EFHC1: variants seen among roughly 807,000 people sequenced by gnomAD.
EFHC1 encodes the protein EF-hand domain containing 1, also known as EF-hand domain-containing protein 1.
Under a neutral mutation model 69.9 loss-of-function variants are expected in EFHC1, and 53 were observed. The observed-to-expected ratio is 0.76, with a 90% CI of 0.61 to 0.95. The LOEUF (loss-of-function observed/expected upper bound fraction) is 0.95, where lower values mean the gene tolerates loss of function less well. Ranked by LOEUF, EFHC1 falls within the 40% of genes least tolerant of loss-of-function variation. EFHC1 has a pLI of 0.00. For synonymous variants in EFHC1, 256 were observed against 278.4 expected (o/e 0.92, Z 0.80); for missense variants, 739 against 798.7 (o/e 0.93, Z 0.90).
At chr6:52,468,020 T>A (rs1252762439) in intron 6 of EFHC1, among the ~76,000 whole-genome samples, 1 of 152,220 alleles carries the variant, frequency 6.6e-6, no homozygotes, top group Non-Finnish European at 1.5e-5. Flanking sequence ...GGTATGGCAC[T>A]TGTAAGTCAA....
At chr6:52,466,475 C>T (rs142921779) in intron 6 of EFHC1, among the ~76,000 whole-genome samples, 1 of 152,276 alleles carries the variant, frequency 6.6e-6, no homozygotes, top group East Asian at 1.9e-4. Flanking sequence ...TTTTCTAAAG[C>T]TCCAGGTAGG....
intron 3 of EFHC1, among the ~76,000 whole-genome samples, chr6:52,449,359 C>A (rs553391187): frequency 6.9e-6 from 1 of 145,764 alleles, no homozygotes; most frequent in Admixed American, 7.0e-5. Flanking sequence ...CCAGTCTGGG[C>A]GACAGAGCAA....
intron 5 of EFHC1, among the ~76,000 whole-genome samples, chr6:52,460,959 T>A (rs1189026330): frequency 6.6e-6 from 1 of 152,092 alleles, no homozygotes; most frequent in East Asian, 1.9e-4. Flanking sequence ...ACTATACAAA[T>A]TAAAAGAACA....
intron 5 of EFHC1, among the ~76,000 whole-genome samples, chr6:52,462,259 T>C (rs1765184533): frequency 1.3e-5 from 2 of 151,812 alleles, no homozygotes; most frequent in Admixed American, 6.6e-5. Flanking sequence ...AACTGAATGG[T>C]AGCAAAAACT....
In EFHC1 at chr6:52,432,349, T is replaced by G. The variant is rs115249583; in HGVS notation, c.286-5955T>G. 5.5e-3 allele frequency among the ~76,000 whole-genome samples: 840 copies of G among 152,278 alleles called. 8 individuals are homozygous for G. Among genetic ancestry groups the G allele is most frequent in the African/African-American group, 0.019 (791 of 41,566 alleles). On this transcript the variant is annotated intron_variant, in intron 2 of 10. Transcript: ENST00000371068. ...AGGTTCTGTTTTGATGTGTTTTGATTTGTTTCAAGATTCAGAGCTCTTTTT... is the reference window on the plus strand; with the variant it reads ...AGGTTCTGTTTTGATGTGTTTTGATGTGTTTCAAGATTCAGAGCTCTTTTT...
intron 9 of EFHC1, among the ~76,000 whole-genome samples, chr6:52,484,878 T>C (rs1291082721): frequency 6.6e-6 from 1 of 152,122 alleles, no homozygotes; most frequent in Non-Finnish European, 1.5e-5. Flanking sequence ...GGAGAAGTTA[T>C]GAAATGCTCT....
intron 9 of EFHC1, chr6:52,485,561 G>A (rs1334243947): frequency 6.6e-6 from 1 of 152,136 alleles, no homozygotes; most frequent in African/African-American, 2.4e-5. Flanking sequence ...CATGGAAGGT[G>A]TCTGGATCCT....
intron 7 of EFHC1, among the ~76,000 whole-genome samples, chr6:52,475,974 G>C (rs1317751563): frequency 6.6e-6 from 1 of 152,198 alleles, no homozygotes; most frequent in Admixed American, 6.5e-5. Context: ...TCTCTGAGGA[G>C]GTCATAGCAG....
In EFHC1 at chr6:52,423,504, G is replaced by A. The variant is rs184394157; in HGVS notation, c.64-442G>A. Among the ~76,000 whole-genome samples, 403 of 151,888 alleles carry A rather than the reference G, an allele frequency of 2.7e-3. 1 individual carries two copies. Among genetic ancestry groups the A allele is most frequent in the Non-Finnish European group, 4.1e-3 (281 of 67,890 alleles). Reference sequence around the variant, plus strand: ...AATCTTTTAATGTAGGTAAGCTTTTGTTTTGTTTTGTTTTTTTGAGACAGA... The same window carrying A: ...AATCTTTTAATGTAGGTAAGCTTTTATTTTGTTTTGTTTTTTTGAGACAGA... On this transcript the variant is annotated intron_variant, in intron 1 of 10. Coordinates refer to ENST00000371068, the MANE Select transcript of EFHC1 (RefSeq NM_018100.4).
rs374687363 is a variant in EFHC1, at chr6:52,492,385, A to G, written c.*44A>G. 2.2e-5 allele frequency: 34 copies of G among 1,545,956 alleles called. No homozygotes were observed. Among genetic ancestry groups the G allele is most frequent in the Middle Eastern group, 1.7e-4 (1 of 5,884 alleles). On this transcript the variant is annotated 3_prime_UTR_variant, in exon 11 of 11. Transcript: ENST00000371068. ...CAAGACAATTTTTGATACTGGAACT[A>G]TGCTTTGAAATACACCTTACACTCT...
intron 5 of EFHC1, among the ~76,000 whole-genome samples, chr6:52,456,062 T>C (rs1765037791): frequency 6.6e-6 from 1 of 152,166 alleles, no homozygotes; most frequent in Admixed American, 6.5e-5. Context: ...AATGATTGCA[T>C]GTGAGGAGAG....
intron 7 of EFHC1, among the ~76,000 whole-genome samples, chr6:52,470,259 A>T (rs1377243588): frequency 6.6e-6 from 1 of 152,182 alleles, no homozygotes; most frequent in East Asian, 1.9e-4. Flanking sequence ...ATAAAAAGAG[A>T]GTTCTGGCTA....
rs765014599 is a variant in EFHC1 at position 52,494,549 on chromosome 6, T to G, written c.*2208T>G. On this transcript the variant is annotated 3_prime_UTR_variant, in exon 11 of 11. Coordinates refer to ENST00000371068, the MANE Select transcript of EFHC1 (RefSeq NM_018100.4). ...TGTGGGGCCAGGTCTGAGTGACATG[T>G]GCCGAAAGGCTGACTCTTTCTCCCA... 9 of 454,146 alleles carry G rather than the reference T, an allele frequency of 2.0e-5. No homozygotes were observed. The highest frequency in any genetic ancestry group is 1.4e-4 in the South Asian group (9 of 64,474). 28.1% of individuals were successfully genotyped at this position (454,146 alleles called of 1,614,324 possible). A position where few individuals can be genotyped will look rare whatever the true frequency, so the allele number is the denominator to read the frequency against.
rs1562457127 is a variant in EFHC1 at position 52,464,960 on chromosome 6, G to T, written c.982G>T (p.Asp328Tyr). The T allele has an allele frequency of 1.2e-6, 2 of 1,614,104 alleles. No homozygotes were observed. Among genetic ancestry groups the T allele is most frequent in the Non-Finnish European group, 1.7e-6 (2 of 1,180,016 alleles). Residue 328 changes from aspartate (D) to tyrosine (Y), a missense_variant, in exon 6 of 11, where the codon GAC becomes TAC. Transcript: ENST00000371068. Reference sequence around the variant, plus strand: ...AGTGTTGGAATGGTATACTGCTAAAGACTTCATTGTTGGGAAGTCACTCAC... The same window carrying T: ...AGTGTTGGAATGGTATACTGCTAAATACTTCATTGTTGGGAAGTCACTCAC... Reference protein sequence around the residue: ...QEVLEWYTAKDFIVGKSLTIL... With the variant: ...QEVLEWYTAKYFIVGKSLTIL...
intron 4 of EFHC1, chr6:52,453,316 G>A: frequency 7.8e-7 from 1 of 1,287,242 alleles, no homozygotes; most frequent in South Asian, 1.2e-5. Flanking sequence ...TAATATTGGA[G>A]TCCAGAATGT....
chr6:52,432,194 A>T (rs1426115071), intron 2 of EFHC1, among the ~76,000 whole-genome samples: 1 of 152,122 alleles, frequency 6.6e-6, no homozygotes, highest in Non-Finnish European at 1.5e-5. Flanking sequence ...TTTACATTCA[A>T]CATTAGTATT....
At chr6:52,427,170 C>G (rs9370120) in intron 2 of EFHC1, among the ~76,000 whole-genome samples, 48,528 of 151,986 alleles carry the variant, frequency 0.32, 7,957 homozygotes, top group Admixed American at 0.45. Context: ...ACAGAGCAGC[C>G]AGGCTTATTT....
intron 4 of EFHC1, chr6:52,453,822 G>T: frequency 7.6e-7 from 1 of 1,309,076 alleles, no homozygotes; most frequent in Non-Finnish European, 1.0e-6. Flanking sequence ...CTCTTTCACT[G>T]ACTAATATTT....
chr6:52,494,785 G>C lies in EFHC1; in HGVS notation c.*2444G>C, dbSNP rs1347707319. The C allele has an allele frequency of 2.2e-6, 1 of 451,686 alleles. No homozygotes were observed. Among genetic ancestry groups the C allele is most frequent in the Non-Finnish European group, 4.4e-6 (1 of 224,930 alleles). The allele number at this position is 451,686 out of a possible 1,614,324, so 28.0% of individuals were successfully genotyped here. ...ATGTTTAGCTCCCACTTAGAAGTAA[G>C]AACATGCAATATTTGGTTTCCTATT... On this transcript the variant is annotated 3_prime_UTR_variant, in exon 11 of 11. Transcript: ENST00000371068.
Sources: gnomAD v4.1 joint callset for allele counts (sites outside exome capture counted in the v4.1 genomes callset) on GRCh38, gnomAD v4.1.1 for gene constraint, MANE v1.5 for transcripts, NCBI Gene and HGNC (gene_info 2026-07-23, HGNC 2026-07-21) for gene names.